Variants in FLNC observed in about 807,000 individuals in gnomAD.
FLNC encodes the protein filamin-C.
Under a neutral mutation model 254.3 loss-of-function variants are expected in FLNC, and 91 were observed. That is an observed-to-expected ratio of 0.36 (90% CI 0.30 to 0.43). The LOEUF (loss-of-function observed/expected upper bound fraction) is 0.43, where lower values mean the gene tolerates loss of function less well. Ranked by LOEUF, FLNC falls within the 20% of genes least tolerant of loss-of-function variation. FLNC has a pLI of 1.00. For missense variants in FLNC, 2,853 were observed against 3,802.6 expected, an observed-to-expected ratio of 0.75 and a Z score of 6.57; for synonymous variants, 1,430 against 1,577.2, an observed-to-expected ratio of 0.91 and a Z score of 2.21.
chr7:128,851,101 C>A (rs1218999714), intron 33 of FLNC, 131 bp from the exon 34 acceptor site: 3 of 1,532,568 alleles, frequency 2.0e-6, no homozygotes, highest in Admixed American at 3.4e-5. Context: ...GGGAAGCAGA[C>A]CTCCACCAGC....
chr7:128,847,921 G>C (rs1808629962), intron 25 of FLNC, 24 bp from the exon 26 acceptor site: 2 of 1,613,670 alleles, frequency 1.2e-6, no homozygotes. Context: ...CGGAGGCTCT[G>C]CTGACCCTGT....
chr7:128,842,589 G>A lies in FLNC; in HGVS notation c.2280G>A (p.Glu760=), dbSNP rs1190363617. 6.5e-7 allele frequency: 1 copy of A among 1,549,504 alleles called. No homozygotes were observed. Among genetic ancestry groups the A allele is most frequent in the African/African-American group, 1.4e-5 (1 of 73,146 alleles). Residue 760 remains glutamate, a synonymous_variant, in exon 15 of 48, where the codon GAG becomes GAA. Transcript: ENST00000325888. This position sits in a 1 kb window ranked among gnomAD's most constrained non-coding sequence, Gnocchi z 5.4. The part of the protein sequence containing the change: ...PKSPFRVNVG[E]GSHPERVKVY... ...CCCTCCCGCAGGTGAACGTGGGCGA[G>A]GGCAGCCACCCCGAGCGGGTAAAGG...
chr7:128,853,594 A>T lies in FLNC; in HGVS notation c.6334A>T (p.Ile2112Phe). The T allele has an allele frequency of 6.2e-7, 1 of 1,614,118 alleles. No individual in the cohort carries two copies. Among genetic ancestry groups the T allele is most frequent in the Non-Finnish European group, 8.5e-7 (1 of 1,180,016 alleles). Residue 2112 changes from isoleucine (I) to phenylalanine (F), a missense_variant, in exon 38 of 48, where the codon ATC (isoleucine) becomes TTC (phenylalanine). This residue lies in a region of FLNC where 551 missense variants were observed against 835.0 expected (regional missense o/e 0.66). Transcript: ENST00000325888. Reference sequence around the variant, plus strand: ...CGAGCCCGGCACCTACATCATCAACATCAAGTTTGCTGACAAGCACGTGCC... The same window carrying T: ...CGAGCCCGGCACCTACATCATCAACTTCAAGTTTGCTGACAAGCACGTGCC... ...PTEPGTYIIN[I>F]KFADKHVPGS...
intron 35 of FLNC, among the ~76,000 whole-genome samples, chr7:128,851,976 C>T (rs1808837862): frequency 6.6e-6 from 1 of 152,212 alleles, no homozygotes; most frequent in African/African-American, 2.4e-5. Flanking sequence ...TGCCATTCTT[C>T]TGCCTCAGCC....
rs1053032354 is a variant in FLNC at position 128,838,254 on chromosome 7, C to T, written c.1048-13C>T. 1.2e-6 allele frequency: 2 copies of T among 1,613,638 alleles called. No homozygotes were observed. The highest frequency in any genetic ancestry group is 1.3e-5 in the African/African-American group (1 of 75,042). ...TCTCCCCTAGAAGCTAACCTTTGAC[C>T]TCTGACCCCTAGGTGACCGTGCTCT... On this transcript the variant is annotated splice_polypyrimidine_tract_variant and intron_variant, in intron 6 of 47. Coordinates refer to ENST00000325888, the MANE Select transcript of FLNC (RefSeq NM_001458.5).
chr7:128,850,300 C>T lies in FLNC; in HGVS notation c.5299-84C>T, dbSNP rs528888784. The T allele has an allele frequency of 6.6e-5, 79 of 1,191,768 alleles. No individual in the cohort carries two copies. The African/African-American group carries it at 9.1e-4, about 14-fold the overall frequency. 73.8% of individuals were successfully genotyped at this position (1,191,768 alleles called of 1,614,324 possible). ...TTCATGATTAACTACCTTGTTCTTTCCTCACTCTCCAGCTTCAGTCATAGC... is the reference window on the plus strand; with the variant it reads ...TTCATGATTAACTACCTTGTTCTTTTCTCACTCTCCAGCTTCAGTCATAGC... On this transcript the variant is annotated intron_variant, in intron 31 of 47. Transcript: ENST00000325888.
Position 128,838,400 on chromosome 7 carries a change from A to C in FLNC, c.1181A>C (p.Lys394Thr). Residue 394 changes from lysine to threonine, a missense_variant, in exon 7 of 48, where the codon AAA (lysine) becomes ACA (threonine). Transcript: ENST00000325888. ...GAACCTGTGGGCAATGTGGCCAACAAACCCACCTACTTTGACATCTACACT... is the reference window on the plus strand; with the variant it reads ...GAACCTGTGGGCAATGTGGCCAACACACCCACCTACTTTGACATCTACACT... ...GLEPVGNVANKPTYFDIYTAG... is the reference protein window; with the variant it reads ...GLEPVGNVANTPTYFDIYTAG... 2.5e-6 allele frequency: 4 copies of C among 1,613,952 alleles called. No individual in the cohort carries two copies. In the Middle Eastern group the frequency reaches 6.6e-4, roughly 266 times the overall value.
chr7:128,837,706 T>G lies in FLNC; in HGVS notation c.920T>G (p.Val307Gly), dbSNP rs1308733167. The change falls in exon 5 of 48, where the codon GTG becomes GGG. Residue 307 changes from valine (V) to glycine (G), a missense_variant. By Grantham distance (109) the Val-to-Gly change is moderately radical. Transcript: ENST00000325888. ...ACCGTGCAGACGGTGGACGCGGGCG[T>G]GGGCGAGGTGCTGGTCTACATCGAG... ...HFTVQTVDAG[V>G]GEVLVYIEDP... The G allele has an allele frequency of 6.8e-6, 11 of 1,607,482 alleles. No individual in the cohort carries two copies. Among genetic ancestry groups the G allele is most frequent in the Non-Finnish European group, 9.3e-6 (11 of 1,177,910 alleles).
Position 128,846,910 on chromosome 7 carries a change from G to T in FLNC, c.4288+5G>T, listed in dbSNP as rs1808591954. 1 of 1,614,072 alleles carries T rather than the reference G, an allele frequency of 6.2e-7. No individual in the cohort carries two copies. The highest frequency in any genetic ancestry group is 1.1e-5 in the South Asian group (1 of 91,092). ...TCGGGGGGCGGCCCATCCCAGGTGT[G>T]CAGAGAGAGTGGTCGGGGTCTCAGG... is the stretch of plus-strand genomic sequence containing the variant. On this transcript the variant is annotated splice_donor_5th_base_variant and intron_variant, in intron 24 of 47. Transcript: ENST00000325888.
chr7:128,854,254 CG>C, intron 40 of FLNC, 38 bp downstream of exon 40: 1 of 1,603,638 alleles, frequency 6.2e-7, no homozygotes, highest in South Asian at 1.1e-5. Context: ...GTCCTCACGG[CG>C]GGATGGGAGG....
Position 128,847,859 on chromosome 7 carries a change from C to G in FLNC, c.4451C>G (p.Pro1484Arg). The G allele has an allele frequency of 6.2e-7, 1 of 1,613,858 alleles. No individual in the cohort carries two copies. The highest frequency in any genetic ancestry group is 8.5e-7 in the Non-Finnish European group (1 of 1,179,984). ...CCCCTGCAGGTGGCTGTGCTGGGCCCCACAGGTATAGAATGGCCGGGGCAG... is the reference window on the plus strand; with the variant it reads ...CCCCTGCAGGTGGCTGTGCTGGGCCGCACAGGTATAGAATGGCCGGGGCAG... ...RAPLQVAVLG[P>R]TGVAEPVEVR... The change falls in exon 25 of 48, where the codon CCC (proline) becomes CGC (arginine). Residue 1484 changes from proline to arginine, a missense_variant. Coordinates refer to ENST00000325888, the MANE Select transcript of FLNC (RefSeq NM_001458.5).
chr7:128,854,437 C>G lies in FLNC; in HGVS notation c.6752C>G (p.Thr2251Ser). The G allele has an allele frequency of 1.2e-6, 2 of 1,610,630 alleles. 1 individual carries two copies. The highest frequency in any genetic ancestry group is 2.7e-5 in the African/African-American group (2 of 75,032). ...QEGEASSQDM[T>S]AQVTSPSGKV... ...GGTGAGGCCAGCTCTCAGGACATGA[C>G]TGCACAGGTGACCAGCCCATCGGGC... is the stretch of plus-strand genomic sequence containing the variant. Residue 2251 changes from threonine to serine, a missense_variant, in exon 41 of 48, where the codon ACT (threonine) becomes AGT (serine). Thr to Ser is a moderately conservative substitution (Grantham distance 58). Coordinates refer to ENST00000325888, the MANE Select transcript of FLNC (RefSeq NM_001458.5).
Position 128,852,905 on chromosome 7 carries a change from C to T in FLNC, c.6082C>T (p.Pro2028Ser). 2 of 1,613,710 alleles carry T rather than the reference C, an allele frequency of 1.2e-6. No individual in the cohort carries two copies. Among genetic ancestry groups the T allele is most frequent in the Non-Finnish European group, 8.5e-7 (1 of 1,180,022 alleles). Reference protein sequence around the residue: ...RKSGKHVTNSPFKILVGPSEI... With the variant: ...RKSGKHVTNSSFKILVGPSEI... ...GAGTGGCAAGCATGTCACCAACAGC[C>T]CCTTCAAGATCCTGGTGGGGCCATC... Residue 2028 changes from proline to serine, a missense_variant, in exon 37 of 48, where the codon CCC (proline) becomes TCC (serine). This residue lies in a region of FLNC where 551 missense variants were observed against 835.0 expected (regional missense o/e 0.66). Transcript: ENST00000325888.
At position 128,848,579 on chromosome 7, in the gene FLNC, C is replaced by G; in HGVS notation, c.4599C>G (p.Val1533=). The change falls in exon 27 of 48, where the codon GTC becomes GTG. Residue 1533 remains valine, a synonymous_variant. Transcript: ENST00000325888. ...EVPRSPFKIK[V]LPAHDASKVR... ...CCTCAAGCCCCTTCAAGATCAAGGT[C>G]CTCCCAGCTCATGATGCCAGCAAGG... 1 of 1,613,970 alleles carries G rather than the reference C, an allele frequency of 6.2e-7. No homozygotes were observed.
Position 128,851,223 on chromosome 7 carries a change from T to A in FLNC, c.5540-9T>A. 1 of 1,613,934 alleles carries A rather than the reference T, an allele frequency of 6.2e-7. No individual in the cohort carries two copies. Among genetic ancestry groups the A allele is most frequent in the Non-Finnish European group, 8.5e-7 (1 of 1,180,004 alleles). ...GCTGACCCAGCCCCCTTTTTCTCTG[T>A]ATCCCCAGGGAGCCCCTTACAGTTC... is the stretch of plus-strand genomic sequence containing the variant. On this transcript the variant is annotated splice_polypyrimidine_tract_variant and intron_variant, in intron 33 of 47. Transcript: ENST00000325888.
chr7:128,837,641 C>T lies in FLNC; in HGVS notation c.855C>T (p.Ile285=), dbSNP rs540753816. Residue 285 remains isoleucine, a synonymous_variant, in exon 5 of 48, where the codon ATC becomes ATT. Coordinates refer to ENST00000325888, the MANE Select transcript of FLNC (RefSeq NM_001458.5). ...PKKAIAYGPG[I]EPQGNTVLQP... ...GGCTCTGCTCCTGCCCCGTAGGCAT[C>T]GAGCCACAGGGCAACACCGTGCTGC... 1.2e-5 allele frequency: 20 copies of T among 1,611,876 alleles called. No homozygotes were observed. The highest frequency in any genetic ancestry group is 1.1e-4 in the South Asian group (10 of 91,084).
rs780829334 is a variant in FLNC, at chr7:128,849,370, C to T, written c.4991C>T (p.Thr1664Met). The T allele has an allele frequency of 6.5e-5, 105 of 1,613,970 alleles. 1 individual carries two copies. Among genetic ancestry groups the T allele is most frequent in the South Asian group, 1.1e-4 (10 of 91,088 alleles). The change falls in exon 30 of 48, where the codon ACG becomes ATG. Residue 1664 changes from threonine to methionine, a missense_variant. Physicochemically the swap from Thr to Met is moderately conservative, Grantham distance 81. Coordinates refer to ENST00000325888, the MANE Select transcript of FLNC (RefSeq NM_001458.5). ...CCTCGAATCCAGATTGGGCAGGAGA[C>T]GGTGATCACGGTGGATGCCAAGGCA... ...LGPRIQIGQE[T>M]VITVDAKAAG...
intron 26 of FLNC, among the ~76,000 whole-genome samples, 155 bp downstream of exon 26, chr7:128,848,223 C>A (rs1020798429): frequency 2.0e-5 from 3 of 152,146 alleles, no homozygotes. Flanking sequence ...TTCCCCGGGG[C>A]TCTCTGCTGT....
intron 33 of FLNC, 47 bp downstream of exon 33, chr7:128,850,990 G>A: frequency 4.4e-6 from 7 of 1,605,054 alleles, no homozygotes; most frequent in Non-Finnish European, 6.0e-6. Flanking sequence ...AGAGGAGCAG[G>A]CCGTAGCTTC....
Sources: allele counts gnomAD v4.1 joint callset (sites outside exome capture counted in the v4.1 genomes callset), GRCh38; gene constraint gnomAD v4.1.1; regional missense constraint gnomAD v4.1.1; non-coding constraint Gnocchi (gnomAD v3.1); transcripts MANE v1.5; gene names NCBI Gene and HGNC (gene_info 2026-07-23, HGNC 2026-07-21).